CYFIP2: variants seen among roughly 807,000 people sequenced by gnomAD.
The protein encoded by CYFIP2 is cytoplasmic FMR1-interacting protein 2.
Under a neutral mutation model 158.7 loss-of-function variants are expected in CYFIP2, and 29 were observed. The ratio of observed to expected loss-of-function variants is 0.18; its 90% CI spans 0.14 to 0.25. CYFIP2 has a LOEUF of 0.25. Among genes scored for constraint, CYFIP2 ranks in the 10% least tolerant of loss-of-function variants. CYFIP2 has a pLI of 1.00. For missense variants in CYFIP2, 852 were observed against 1,639.5 expected (o/e 0.52, Z 8.29); for synonymous variants, 585 against 617.6 (o/e 0.95, Z 0.78).
chr5:157,305,194 G>T (rs535820980), intron 8 of CYFIP2, among the ~76,000 whole-genome samples: 57 of 152,286 alleles, frequency 3.7e-4, no homozygotes, highest in Middle Eastern at 3.4e-3. Context: ...TTGCAATTGT[G>T]AATTGTGCTG....
At chr5:157,380,397 G>A (rs1329880097) in intron 26 of CYFIP2, among the ~76,000 whole-genome samples, 1 of 152,222 alleles carries the variant, frequency 6.6e-6, no homozygotes, top group Non-Finnish European at 1.5e-5. Flanking sequence ...CATTCCCCAA[G>A]TTAGTCCGGC....
At chr5:157,314,869 CT>C in intron 12 of CYFIP2, 99 bp from the exon 13 acceptor site, 3 of 1,002,124 alleles carry the variant, frequency 3.0e-6, no homozygotes, top group Non-Finnish European at 4.4e-6. Context: ...TACTTTATTC[CT>C]TTTTTCCAGC....
At chr5:157,378,483 G>A (rs893581447) in intron 26 of CYFIP2, among the ~76,000 whole-genome samples, 20 of 152,134 alleles carry the variant, frequency 1.3e-4, no homozygotes, top group African/African-American at 4.8e-4. Context: ...TCTATTCTTG[G>A]TAACTTTGCA....
intron 26 of CYFIP2, among the ~76,000 whole-genome samples, chr5:157,373,856 A>T (rs1443251301): frequency 6.6e-6 from 1 of 152,282 alleles, no homozygotes; most frequent in East Asian, 1.9e-4. Flanking sequence ...CCTTTAAAAA[A>T]TTTATCTGCA....
intron 9 of CYFIP2, among the ~76,000 whole-genome samples, chr5:157,308,120 G>A (rs902192191): frequency 2.6e-5 from 4 of 151,708 alleles, no homozygotes; most frequent in African/African-American, 9.7e-5. Flanking sequence ...ATTCAGCTGG[G>A]ATTTGGCTAG....
chr5:157,310,781 G>T (rs895606653), intron 10 of CYFIP2, among the ~76,000 whole-genome samples: 1 of 152,202 alleles, frequency 6.6e-6, no homozygotes, highest in Non-Finnish European at 1.5e-5. Flanking sequence ...CCTGAGGAAG[G>T]CTGTCACTGT....
At chr5:157,277,426 C>T (rs1328493217) in intron 1 of CYFIP2, among the ~76,000 whole-genome samples, 2 of 152,170 alleles carry the variant, frequency 1.3e-5, no homozygotes, top group Non-Finnish European at 2.9e-5. Context: ...AATGGAAAAA[C>T]TAGAAGTAAG....
At chr5:157,274,118 G>A (rs1282099532) in intron 1 of CYFIP2, among the ~76,000 whole-genome samples, 1 of 133,848 alleles carries the variant, frequency 7.5e-6, no homozygotes, top group Non-Finnish European at 1.6e-5. Context: ...GAACAAGAGT[G>A]AAACTCTGTG....
At chr5:157,326,305 G>A in intron 18 of CYFIP2, 38 bp downstream of exon 18, 1 of 1,558,350 alleles carries the variant, frequency 6.4e-7, no homozygotes, top group African/African-American at 1.4e-5. Context: ...CTTTAATCTT[G>A]TTCCAAATTC....
At chr5:157,375,131 C>T (rs1479031976) in intron 26 of CYFIP2, among the ~76,000 whole-genome samples, 1 of 152,186 alleles carries the variant, frequency 6.6e-6, no homozygotes, top group Non-Finnish European at 1.5e-5. Context: ...TGCTATAAGA[C>T]TTATGAAGTA....
intron 5 of CYFIP2, among the ~76,000 whole-genome samples, chr5:157,298,974 A>G (rs1031994702): frequency 3.3e-5 from 5 of 152,098 alleles, no homozygotes; most frequent in African/African-American, 4.8e-5. Flanking sequence ...TCATCAGTTG[A>G]TGGACATTGG....
chr5:157,343,165 G>A (rs1237008372), intron 23 of CYFIP2: 1 of 1,614,264 alleles, frequency 6.2e-7, no homozygotes, highest in East Asian at 2.2e-5. Context: ...AGACGGCTGT[G>A]AAGCAGGCCA....
At chr5:157,315,214 C>T (rs900838419) in intron 13 of CYFIP2, 120 bp downstream of exon 13, 1 of 1,325,636 alleles carries the variant, frequency 7.5e-7, no homozygotes, top group Non-Finnish European at 1.0e-6. Context: ...CTTCCCTGTC[C>T]TACCATCTAA....
chr5:157,378,945 C>T (rs910965655), intron 26 of CYFIP2, among the ~76,000 whole-genome samples: 4 of 152,234 alleles, frequency 2.6e-5, no homozygotes, highest in Middle Eastern at 6.8e-3. Flanking sequence ...TTCTTAATTG[C>T]ACATTATAAC....
chr5:157,360,277 G>T lies in CYFIP2; in HGVS notation c.2818-5G>T, dbSNP rs767698876. 9.3e-6 allele frequency: 15 copies of T among 1,612,612 alleles called. No individual in the cohort carries two copies. The highest frequency in any genetic ancestry group is 1.3e-5 in the Non-Finnish European group (15 of 1,179,142). ...GCCCACTCATCTGTACTCTTCTTTT[G>T]TCAGCTCCAAGGAACCATTCTCCAG... On this transcript the variant is annotated splice_region_variant and splice_polypyrimidine_tract_variant and intron_variant, in intron 24 of 30. Transcript: ENST00000620254.
chr5:157,335,524 C>T (rs1256153017), intron 21 of CYFIP2, among the ~76,000 whole-genome samples: 1 of 152,188 alleles, frequency 6.6e-6, no homozygotes, highest in African/African-American at 2.4e-5. Flanking sequence ...GATCTGCCTG[C>T]CTTGGCCTCC....
chr5:157,358,899 C>A (rs931508986), intron 23 of CYFIP2, 106 bp from the exon 24 acceptor site: 9 of 1,442,558 alleles, frequency 6.2e-6, no homozygotes, highest in Admixed American at 1.7e-5. Flanking sequence ...TGAGCACGCT[C>A]GTAACACTGG....
intron 23 of CYFIP2, among the ~76,000 whole-genome samples, chr5:157,344,465 G>A (rs776476974): frequency 3.3e-5 from 5 of 152,172 alleles, no homozygotes; most frequent in Non-Finnish European, 7.3e-5. Flanking sequence ...CAAGGCTGCC[G>A]GGTTTAGTTA....
At chr5:157,312,121 A>G (rs1489212882) in intron 11 of CYFIP2, among the ~76,000 whole-genome samples, 2 of 152,202 alleles carry the variant, frequency 1.3e-5, no homozygotes, top group Non-Finnish European at 2.9e-5. Context: ...CCTGTACATG[A>G]TAAGTGATGC....
Sources: gnomAD v4.1 joint callset for allele counts (sites outside exome capture counted in the v4.1 genomes callset) on GRCh38, gnomAD v4.1.1 for gene constraint, MANE v1.5 for transcripts, NCBI Gene and HGNC (gene_info 2026-07-23, HGNC 2026-07-21) for gene names.